FBP1: variants seen among roughly 807,000 people sequenced by gnomAD.
FBP1 encodes the protein fructose-bisphosphatase 1, also known as fructose-1,6-bisphosphatase 1.
A neutral mutation model predicts 29.9 loss-of-function variants in FBP1; 22 were observed. That is an observed-to-expected ratio of 0.74 (90% CI 0.53 to 1.05). The LOEUF (loss-of-function observed/expected upper bound fraction) is 1.05. Among genes scored for constraint, FBP1 ranks in the 50% least tolerant of loss-of-function variants. The pLI is 0.00. For synonymous variants in FBP1, 175 were observed against 178.6 expected (o/e 0.98, Z 0.16); for missense variants, 345 against 448.2 (o/e 0.77, Z 2.08).
At chr9:94,625,652 G>A (rs28369669) in intron 1 of FBP1, among the ~76,000 whole-genome samples, 3 of 152,336 alleles carry the variant, frequency 2.0e-5, no homozygotes, top group African/African-American at 4.8e-5. Flanking sequence ...AAAATTAGCC[G>A]GGGACGGTGG....
intron 4 of FBP1, among the ~76,000 whole-genome samples, chr9:94,609,469 A>T (rs533053825): frequency 6.6e-6 from 1 of 152,316 alleles, no homozygotes; most frequent in African/African-American, 2.4e-5. Flanking sequence ...CAGAAACATT[A>T]TGTTTTTTAC....
intron 1 of FBP1, among the ~76,000 whole-genome samples, chr9:94,630,475 C>G (rs1438428754): frequency 1.3e-5 from 2 of 152,222 alleles, no homozygotes; most frequent in Admixed American, 1.3e-4. Context: ...GGCTGGCACT[C>G]TACACCACCA....
At chr9:94,622,303 G>A (rs1827961102) in intron 1 of FBP1, among the ~76,000 whole-genome samples, 1 of 152,232 alleles carries the variant, frequency 6.6e-6, no homozygotes, top group African/African-American at 2.4e-5. Context: ...CGAGAGCCTT[G>A]ATGTGGGAAG....
chr9:94,609,865 C>G (rs989911522), intron 4 of FBP1, 56 bp downstream of exon 4: 6 of 1,593,326 alleles, frequency 3.8e-6, no homozygotes, highest in Non-Finnish European at 5.2e-6. Flanking sequence ...CCACACATAT[C>G]ATTCATTTGC....
At chr9:94,611,441 C>T (rs914313464) in intron 3 of FBP1, among the ~76,000 whole-genome samples, 1 of 152,074 alleles carries the variant, frequency 6.6e-6, no homozygotes, top group Admixed American at 6.6e-5. Context: ...ATTAGAATCA[C>T]CTGGGATATT....
chr9:94,623,552 C>A (rs145975717), intron 1 of FBP1, among the ~76,000 whole-genome samples: 286 of 152,328 alleles, frequency 1.9e-3, no homozygotes, highest in African/African-American at 6.4e-3. Context: ...GAGGGCTGGG[C>A]AGAGGGGCCG....
intron 1 of FBP1, among the ~76,000 whole-genome samples, chr9:94,637,421 A>G (rs1828208094): frequency 6.7e-6 from 1 of 150,130 alleles, no homozygotes; most frequent in African/African-American, 2.5e-5. Context: ...TTTTTAAGAC[A>G]AAGTCACGCT....
chr9:94,615,973 G>A (rs984242548), intron 3 of FBP1, among the ~76,000 whole-genome samples: 4 of 151,916 alleles, frequency 2.6e-5, no homozygotes, highest in South Asian at 2.1e-4. Flanking sequence ...GACTACAGGC[G>A]CCCGCCACCA....
At chr9:94,607,813 C>T (rs1340441894) in intron 4 of FBP1, among the ~76,000 whole-genome samples, 1 of 152,080 alleles carries the variant, frequency 6.6e-6, no homozygotes, top group Non-Finnish European at 1.5e-5. Context: ...ATTTATTCCA[C>T]AGCAGAAATT....
At chr9:94,627,692 G>A (rs1828045833) in intron 1 of FBP1, among the ~76,000 whole-genome samples, 1 of 152,158 alleles carries the variant, frequency 6.6e-6, no homozygotes, top group Non-Finnish European at 1.5e-5. Flanking sequence ...TACCCTCCGT[G>A]GGACTCGACT....
At chr9:94,612,920 C>T (rs905148717) in intron 3 of FBP1, among the ~76,000 whole-genome samples, 1 of 152,146 alleles carries the variant, frequency 6.6e-6, no homozygotes, top group African/African-American at 2.4e-5. Context: ...CCTGCAGATG[C>T]CCAGGGACCA....
At chr9:94,609,272 T>A (rs1267268771) in intron 4 of FBP1, among the ~76,000 whole-genome samples, 2 of 152,074 alleles carry the variant, frequency 1.3e-5, no homozygotes, top group Non-Finnish European at 2.9e-5. Flanking sequence ...GTGGGAGCTA[T>A]TTTTGAAGAA....
intron 1 of FBP1, among the ~76,000 whole-genome samples, chr9:94,620,723 T>C (rs1391233301): frequency 6.6e-6 from 1 of 152,048 alleles, no homozygotes; most frequent in East Asian, 1.9e-4. Context: ...TGAGAACACA[T>C]AGACACAGGG....
intron 1 of FBP1, among the ~76,000 whole-genome samples, chr9:94,622,398 A>G (rs561576921): frequency 2.0e-5 from 3 of 152,348 alleles, no homozygotes; most frequent in South Asian, 4.1e-4. Flanking sequence ...CATGATGGCG[A>G]TGTGCGCTCG....
chr9:94,625,751 C>T (rs1026280180), intron 1 of FBP1, among the ~76,000 whole-genome samples: 4 of 152,198 alleles, frequency 2.6e-5, no homozygotes, highest in Non-Finnish European at 4.4e-5. Context: ...GCCCAGATGG[C>T]GCCCCTGCGC....
At chr9:94,616,794 G>T (rs975353117) in intron 3 of FBP1, among the ~76,000 whole-genome samples, 1 of 152,082 alleles carries the variant, frequency 6.6e-6, no homozygotes, top group African/African-American at 2.4e-5. Flanking sequence ...ATGTACCTTG[G>T]ATTTTATCAT....
intron 2 of FBP1, among the ~76,000 whole-genome samples, chr9:94,618,786 C>T (rs968194086): frequency 3.3e-5 from 5 of 152,252 alleles, no homozygotes; most frequent in South Asian, 4.1e-4. Flanking sequence ...CAGGAGCTAA[C>T]GGTGCACATC....
chr9:94,609,387 C>A (rs1407608437), intron 4 of FBP1, among the ~76,000 whole-genome samples: 2 of 152,156 alleles, frequency 1.3e-5, no homozygotes, highest in African/African-American at 4.8e-5. Context: ...CAGTTTATGG[C>A]AAACAGAATA....
At chr9:94,626,563 C>T (rs1231557398) in intron 1 of FBP1, among the ~76,000 whole-genome samples, 1 of 152,138 alleles carries the variant, frequency 6.6e-6, no homozygotes, top group Non-Finnish European at 1.5e-5. Context: ...CCCCGTCACA[C>T]CTCGGGGACC....
Sources: allele counts gnomAD v4.1 joint callset (sites outside exome capture counted in the v4.1 genomes callset), GRCh38; gene constraint gnomAD v4.1.1; transcripts MANE v1.5; gene names NCBI Gene and HGNC (gene_info 2026-07-23, HGNC 2026-07-21).